MAGI2: variants seen among roughly 807,000 people sequenced by gnomAD.
MAGI2 encodes membrane-associated guanylate kinase, WW and PDZ domain-containing protein 2.
A neutral mutation model predicts 133.3 loss-of-function variants in MAGI2; 35 were observed. That is an observed-to-expected ratio of 0.26 (90% CI 0.20 to 0.35). The LOEUF is 0.35. MAGI2 is among the 10% of genes least tolerant of loss of function. MAGI2 has a pLI of 1.00. For synonymous variants in MAGI2, 729 were observed against 710.6 expected, an observed-to-expected ratio of 1.03 and a Z score of -0.41; for missense variants, 1,636 against 1,863.4, an observed-to-expected ratio of 0.88 and a Z score of 2.25.
chr7:79,243,242 G>A lies in MAGI2; in HGVS notation c.301+209778C>T, dbSNP rs142288533. Among the ~76,000 whole-genome samples the A allele has an allele frequency of 6.2e-3, 877 of 140,466 alleles. 5 individuals are homozygous for A. Among genetic ancestry groups the A allele is most frequent in the African/African-American group, 0.022 (842 of 37,948 alleles). 92.2% of individuals were successfully genotyped at this position (140,466 alleles called of 152,430 possible). A position where few individuals can be genotyped will look rare whatever the true frequency, so the allele number is the denominator to read the frequency against. ...ACACAGATACACATTACCAATAGAC[G>A]TATGATCTACACATAAGAACCAAGA... On this transcript the variant is annotated intron_variant, in intron 1 of 21. Transcript: ENST00000354212.
chr7:79,225,689 G>A (rs1830791501), intron 1 of MAGI2, among the ~76,000 whole-genome samples: 1 of 152,102 alleles, frequency 6.6e-6, no homozygotes, highest in Non-Finnish European at 1.5e-5. Flanking sequence ...CTCAACTTAT[G>A]CAAATGTGTG....
Position 78,256,135 on chromosome 7 carries a change from T to C in MAGI2, c.1855A>G (p.Ile619Val). ...CGCTGTCCTGTAGGACTGTCGGCAA[T>C]AGTGAAGCCGAAGCCCTGGGCACCT... ...VKGAQGFGFT[I>V]ADSPTGQRVK... The change falls in exon 10 of 22, where the codon ATT becomes GTT. Residue 619 changes from isoleucine to valine, a missense_variant. Transcript: ENST00000354212. The C allele has an allele frequency of 2.5e-6, 4 of 1,613,884 alleles. No individual in the cohort carries two copies. Among genetic ancestry groups the C allele is most frequent in the Non-Finnish European group, 3.4e-6 (4 of 1,179,956 alleles).
At chr7:79,055,074 G>T (rs538994876) in intron 1 of MAGI2, among the ~76,000 whole-genome samples, 3 of 152,180 alleles carry the variant, frequency 2.0e-5, no homozygotes, top group Non-Finnish European at 2.9e-5. Flanking sequence ...GATTACAGGC[G>T]TGAGCCACCA....
chr7:78,715,526 C>CA (rs1819617067), intron 2 of MAGI2, among the ~76,000 whole-genome samples: 1 of 152,128 alleles, frequency 6.6e-6, no homozygotes, highest in Non-Finnish European at 1.5e-5. Context: ...AGTAATAACT[C>CA]AATGAAAGCC....
chr7:79,411,535 C>T (rs1195607867), intron 1 of MAGI2: 1 of 152,178 alleles, frequency 6.6e-6, no homozygotes, highest in African/African-American at 2.4e-5. Context: ...AACTGATTCT[C>T]CTCTGGAGCT....
intron 2 of MAGI2, among the ~76,000 whole-genome samples, chr7:79,005,788 C>T (rs967314606): frequency 6.6e-6 from 1 of 152,170 alleles, no homozygotes; most frequent in Non-Finnish European, 1.5e-5. Context: ...AATCCATCTT[C>T]CTTTGTCCAT....
chr7:78,638,645 G>A (rs1314532732), intron 2 of MAGI2, among the ~76,000 whole-genome samples: 1 of 151,754 alleles, frequency 6.6e-6, no homozygotes, highest in East Asian at 1.9e-4. Context: ...ACTAACTCCA[G>A]GACAGATCAA....
chr7:78,443,582 T>C (rs923084710), intron 6 of MAGI2, among the ~76,000 whole-genome samples: 10 of 152,192 alleles, frequency 6.6e-5, no homozygotes, highest in African/African-American at 2.4e-4. Flanking sequence ...TCCTCTGTTA[T>C]AACATGTAAC....
At chr7:79,346,179 A>G (rs1341427856) in intron 1 of MAGI2, among the ~76,000 whole-genome samples, 1 of 151,960 alleles carries the variant, frequency 6.6e-6, no homozygotes, top group Non-Finnish European at 1.5e-5. Context: ...AGAAGCCATC[A>G]TTATTGTTTT....
intron 1 of MAGI2, among the ~76,000 whole-genome samples, chr7:79,159,015 G>T (rs1179941616): frequency 6.6e-6 from 1 of 151,590 alleles, no homozygotes; most frequent in Non-Finnish European, 1.5e-5. Context: ...GGTTATACAA[G>T]GTATACACAA....
At position 79,444,062 on chromosome 7, in the gene MAGI2, C is replaced by T. The variant is rs556920234; in HGVS notation, c.301+8958G>A. The stretch of plus-strand genomic sequence containing the variant: ...ATATAAACAGAACCAACAATAAAAA[C>T]CATATGATTTTCTCAATAGATGCAG... On this transcript the variant is annotated intron_variant, in intron 1 of 21. Coordinates refer to ENST00000354212, the MANE Select transcript of MAGI2 (RefSeq NM_012301.4). 1.2e-3 allele frequency among the ~76,000 whole-genome samples: 178 copies of T among 152,144 alleles called. 2 individuals are homozygous for T. The highest frequency in any genetic ancestry group is 3.9e-3 in the African/African-American group (162 of 41,502).
chr7:78,398,477 C>T (rs1470050198), intron 6 of MAGI2, among the ~76,000 whole-genome samples: 4 of 152,152 alleles, frequency 2.6e-5, no homozygotes, highest in Non-Finnish European at 5.9e-5. Flanking sequence ...ATGTTCCCCT[C>T]AGCTTGACTA....
chr7:78,808,169 T>C (rs980861575), intron 2 of MAGI2, among the ~76,000 whole-genome samples: 1 of 152,202 alleles, frequency 6.6e-6, no homozygotes, highest in Non-Finnish European at 1.5e-5. Flanking sequence ...TTTCTGGGAA[T>C]AGTTCAGTAG....
intron 1 of MAGI2, among the ~76,000 whole-genome samples, chr7:79,024,838 A>G (rs929865528): frequency 1.0e-5 from 1 of 97,542 alleles, no homozygotes; most frequent in Non-Finnish European, 2.4e-5. Context: ...CTGTTATTAA[A>G]AAGTTAAAAA....
chr7:78,884,770 C>T (rs890986141), intron 2 of MAGI2, among the ~76,000 whole-genome samples: 1 of 151,752 alleles, frequency 6.6e-6, no homozygotes, highest in Non-Finnish European at 1.5e-5. Flanking sequence ...GGGGATCTCT[C>T]AAAGAACTAA....
intron 1 of MAGI2, among the ~76,000 whole-genome samples, chr7:79,119,833 G>A (rs1819733187): frequency 6.6e-6 from 1 of 152,024 alleles, no homozygotes; most frequent in African/African-American, 2.4e-5. Flanking sequence ...GGAAAAAAAT[G>A]CTTCCTTTAC....
At chr7:79,061,125 T>C (rs1470670312) in intron 1 of MAGI2, among the ~76,000 whole-genome samples, 2 of 152,076 alleles carry the variant, frequency 1.3e-5, no homozygotes, top group Non-Finnish European at 2.9e-5. Context: ...ATTATGCAAG[T>C]ACTAACCTTA....
intron 2 of MAGI2, among the ~76,000 whole-genome samples, chr7:78,813,785 CAAAAAAAAA>C (rs36107160): frequency 1.0e-5 from 1 of 96,802 alleles, no homozygotes; most frequent in Non-Finnish European, 2.0e-5. Context: ...GATTCTGTCT[CAAAAAAAAA>C]AAAAAAAAAA....
intron 3 of MAGI2, among the ~76,000 whole-genome samples, chr7:78,546,682 CTCT>C (rs1468073436): frequency 5.5e-5 from 3 of 54,508 alleles, no homozygotes; most frequent in Admixed American, 2.1e-4. Flanking sequence ...CCTCATCTCT[CTCT>C]CTCTCTCTCT....
Sources: allele counts gnomAD v4.1 joint callset (sites outside exome capture counted in the v4.1 genomes callset), GRCh38; gene constraint gnomAD v4.1.1; transcripts MANE v1.5; gene names NCBI Gene and HGNC (gene_info 2026-07-23, HGNC 2026-07-21).